JADE1: variants seen among roughly 807,000 people sequenced by gnomAD.
JADE1 encodes protein Jade-1.
In JADE1, 14 loss-of-function variants were observed where a neutral mutation model predicts 81.8. The observed-to-expected ratio is 0.17, with a 90% CI of 0.11 to 0.27. JADE1 has a LOEUF of 0.27. Among genes scored for constraint, JADE1 ranks in the 10% least tolerant of loss-of-function variants. The pLI is 1.00. For synonymous variants in JADE1, 353 were observed against 391.9 expected, an observed-to-expected ratio of 0.90 and a Z score of 1.17; for missense variants, 690 against 1,047.9, an observed-to-expected ratio of 0.66 and a Z score of 4.71.
At chr4:128,835,433 T>C (rs530198311) in intron 2 of JADE1, among the ~76,000 whole-genome samples, 1 of 152,246 alleles carries the variant, frequency 6.6e-6, no homozygotes, top group African/African-American at 2.4e-5. Context: ...AGGCAGCTGG[T>C]TCACAGCCTC....
At chr4:128,826,787 T>C (rs571977671) in intron 1 of JADE1, among the ~76,000 whole-genome samples, 11 of 152,300 alleles carry the variant, frequency 7.2e-5, no homozygotes, top group African/African-American at 2.4e-4. Context: ...CATGAAACAT[T>C]TAAGTCATGA....
At chr4:128,861,610 G>A (rs1731336028) in intron 8 of JADE1, 94 bp from the exon 9 acceptor site, 1 of 1,351,444 alleles carries the variant, frequency 7.4e-7, no homozygotes, top group Admixed American at 2.0e-5. Context: ...GCTCTTCTCT[G>A]TGCATGTGTA....
At chr4:128,823,339 TA>T (rs566710601) in intron 1 of JADE1, among the ~76,000 whole-genome samples, 7 of 152,224 alleles carry the variant, frequency 4.6e-5, no homozygotes, top group Non-Finnish European at 8.8e-5. Flanking sequence ...TAAAATTCCT[TA>T]AAGTCTTGAG....
chr4:128,827,934 A>G (rs1314759110), intron 1 of JADE1: 3 of 980,698 alleles, frequency 3.1e-6, no homozygotes. Context: ...TGCCCCAAAC[A>G]TGCCCCTTTT....
chr4:128,817,027 T>A (rs1210282414), intron 1 of JADE1, among the ~76,000 whole-genome samples: 3 of 151,976 alleles, frequency 2.0e-5, no homozygotes, highest in East Asian at 1.9e-4. Flanking sequence ...TCTGTCTAAT[T>A]TTTGTATTTT....
chr4:128,813,450 G>A (rs1238104036), intron 1 of JADE1, among the ~76,000 whole-genome samples: 1 of 119,048 alleles, frequency 8.4e-6, no homozygotes, highest in East Asian at 2.4e-4. Context: ...AGAGTCTTTC[G>A]CTCTGTCACC....
chr4:128,862,802 G>A (rs1731457187), intron 9 of JADE1: 2 of 999,336 alleles, frequency 2.0e-6, no homozygotes, highest in Non-Finnish European at 1.2e-6. Flanking sequence ...CAGGCAGTGG[G>A]TGCTGATGTG....
At chr4:128,817,472 A>G (rs573923932) in intron 1 of JADE1, among the ~76,000 whole-genome samples, 16 of 152,314 alleles carry the variant, frequency 1.1e-4, no homozygotes, top group African/African-American at 3.4e-4. Context: ...GTGGGTCCAC[A>G]CTGAGGCATA....
intron 8 of JADE1, among the ~76,000 whole-genome samples, chr4:128,859,930 G>T (rs567152157): frequency 1.3e-5 from 2 of 152,314 alleles, no homozygotes; most frequent in East Asian, 3.9e-4. Flanking sequence ...AGCTGTGAAG[G>T]CTCTGGTTTA....
chr4:128,854,640 G>GT (rs1730643530), intron 6 of JADE1, among the ~76,000 whole-genome samples: 1 of 152,106 alleles, frequency 6.6e-6, no homozygotes, highest in African/African-American at 2.4e-5. Flanking sequence ...TAGTGGCTGT[G>GT]TTTTTTCTGT....
intron 6 of JADE1, among the ~76,000 whole-genome samples, chr4:128,853,174 T>C (rs2125871034): frequency 6.6e-6 from 1 of 152,244 alleles, no homozygotes; most frequent in East Asian, 1.9e-4. Context: ...CCGTGCCCGG[T>C]CCACATGGCG....
intron 1 of JADE1, among the ~76,000 whole-genome samples, chr4:128,831,060 CGT>C (rs1728508147): frequency 6.6e-6 from 1 of 152,178 alleles, no homozygotes; most frequent in Non-Finnish European, 1.5e-5. Context: ...ATTCCCACAA[CGT>C]GACCTTGGGG....
chr4:128,843,067 C>T (rs928403057), intron 3 of JADE1, 29 bp downstream of exon 3: 2 of 1,568,558 alleles, frequency 1.3e-6, no homozygotes, highest in Non-Finnish European at 1.8e-6. Context: ...CCTGACCGTG[C>T]ATGAATATAT....
chr4:128,838,284 A>C (rs1227479729), intron 2 of JADE1, among the ~76,000 whole-genome samples: 1 of 152,240 alleles, frequency 6.6e-6, no homozygotes, highest in African/African-American at 2.4e-5. Context: ...GTAATGTAAT[A>C]TAGAATTGTT....
intron 10 of JADE1, among the ~76,000 whole-genome samples, chr4:128,869,996 T>C (rs1227153513): frequency 6.6e-6 from 1 of 152,102 alleles, no homozygotes; most frequent in Non-Finnish European, 1.5e-5. Flanking sequence ...GGTAGGGTCA[T>C]TTGCTGAGAG....
chr4:128,849,301 G>GC, intron 5 of JADE1, 134 bp downstream of exon 5: 2 of 708,478 alleles, frequency 2.8e-6, no homozygotes, highest in South Asian at 3.9e-5. Flanking sequence ...AGTGAGAATC[G>GC]CAGCCCTGCC....
intron 10 of JADE1, 136 bp downstream of exon 10, chr4:128,868,109 G>A (rs1731915223): frequency 1.9e-6 from 1 of 514,402 alleles, no homozygotes; most frequent in South Asian, 3.8e-5. Context: ...TTTAAAGGAA[G>A]TCTTTAATTT....
intron 9 of JADE1, chr4:128,863,720 T>C (rs1199960352): frequency 1.0e-6 from 1 of 985,312 alleles, no homozygotes; most frequent in Non-Finnish European, 1.2e-6. Flanking sequence ...CATGTATGTG[T>C]GGCATTTTTG....
At chr4:128,827,588 G>C (rs1579124218) in intron 1 of JADE1, among the ~76,000 whole-genome samples, 1 of 152,186 alleles carries the variant, frequency 6.6e-6, no homozygotes, top group African/African-American at 2.4e-5. Context: ...TTCATTTTTG[G>C]CTGGACACTT....
Sources: allele counts gnomAD v4.1 joint callset (sites outside exome capture counted in the v4.1 genomes callset), GRCh38; gene constraint gnomAD v4.1.1; transcripts MANE v1.5; gene names NCBI Gene and HGNC (gene_info 2026-07-23, HGNC 2026-07-21).